TRIM71: variants seen among roughly 807,000 people sequenced by gnomAD.
TRIM71 encodes tripartite motif containing 71.
TRIM71 carries 9 observed loss-of-function variants against 61.2 expected under a neutral mutation model. That is an observed-to-expected ratio of 0.15 (90% CI 0.09 to 0.26). TRIM71 has a LOEUF of 0.26. Among genes scored for constraint, TRIM71 ranks in the 10% least tolerant of loss-of-function variants. TRIM71 has a pLI of 1.00. For missense variants in TRIM71, 998 were observed against 1,238.7 expected, an observed-to-expected ratio of 0.81 and a Z score of 2.92; for synonymous variants, 645 against 553.2, an observed-to-expected ratio of 1.17 and a Z score of -2.33.
chr3:32,879,480 G>T (rs1696884787), intron 2 of TRIM71, among the ~76,000 whole-genome samples: 1 of 152,056 alleles, frequency 6.6e-6, no homozygotes, highest in African/African-American at 2.4e-5. Flanking sequence ...AGAGGCCATT[G>T]TAGGGTTACT....
intron 1 of TRIM71, among the ~76,000 whole-genome samples, chr3:32,843,650 C>T (rs958654115): frequency 6.6e-6 from 1 of 152,146 alleles, no homozygotes; most frequent in Non-Finnish European, 1.5e-5. Context: ...TAATCTTCCC[C>T]GGGAAGCAGG....
At chr3:32,847,833 G>A (rs1290303519) in intron 1 of TRIM71, among the ~76,000 whole-genome samples, 1 of 152,124 alleles carries the variant, frequency 6.6e-6, no homozygotes, top group African/African-American at 2.4e-5. Context: ...TTTTGGGAGT[G>A]TAATGTTTTA....
chr3:32,818,046 C>G lies in TRIM71; in HGVS notation c.-35C>G. The G allele has an allele frequency of 6.3e-7, 1 of 1,599,778 alleles. No homozygotes were observed. The highest frequency in any genetic ancestry group is 8.5e-7 in the Non-Finnish European group (1 of 1,169,668). On this transcript the variant is annotated 5_prime_UTR_variant, in exon 1 of 4. Coordinates refer to ENST00000383763, the MANE Select transcript of TRIM71 (RefSeq NM_001039111.3). ...CTCTCCTCCTCCTCCTCCTCTTCCTCTCTGGTCTCCTCCCTCCTCCGGGCT... is the reference window on the plus strand; with the variant it reads ...CTCTCCTCCTCCTCCTCCTCTTCCTGTCTGGTCTCCTCCCTCCTCCGGGCT...
intron 2 of TRIM71, among the ~76,000 whole-genome samples, chr3:32,881,442 C>G (rs1332220733): frequency 6.6e-6 from 1 of 152,190 alleles, no homozygotes; most frequent in African/African-American, 2.4e-5. Flanking sequence ...TACCACTGTT[C>G]TCCACAGTTG....
In TRIM71 at chr3:32,868,907, T is replaced by C. The variant is rs558726055; in HGVS notation, c.853-4911T>C. Among the ~76,000 whole-genome samples the C allele has an allele frequency of 3.3e-5, 5 of 152,250 alleles. No individual in the cohort carries two copies. In the East Asian group the frequency reaches 9.6e-4, roughly 29 times the overall value. ...TTTCCTATATTTATCCAGGCCATAGTTGTGGGGCAGCACGTGGCCAGGGCT... is the reference window on the plus strand; with the variant it reads ...TTTCCTATATTTATCCAGGCCATAGCTGTGGGGCAGCACGTGGCCAGGGCT... On this transcript the variant is annotated intron_variant, in intron 1 of 3. Coordinates refer to ENST00000383763, the MANE Select transcript of TRIM71 (RefSeq NM_001039111.3).
chr3:32,830,165 C>T (rs207463089), intron 1 of TRIM71, among the ~76,000 whole-genome samples: 9 of 152,058 alleles, frequency 5.9e-5, no homozygotes, highest in Admixed American at 2.6e-4. Flanking sequence ...TCAGGTGATC[C>T]GCCTGTCTTG....
intron 1 of TRIM71, among the ~76,000 whole-genome samples, chr3:32,827,237 G>A (rs1448952656): frequency 6.7e-6 from 1 of 150,350 alleles, no homozygotes; most frequent in African/African-American, 2.4e-5. Flanking sequence ...TGGGAATGAG[G>A]TCCTTTGTCA....
At chr3:32,863,497 G>T (rs1378146708) in intron 1 of TRIM71, among the ~76,000 whole-genome samples, 1 of 152,024 alleles carries the variant, frequency 6.6e-6, no homozygotes, top group East Asian at 1.9e-4. Context: ...ATTCCAGAAG[G>T]ATTCCCTTGG....
At chr3:32,857,093 C>T (rs1005239214) in intron 1 of TRIM71, among the ~76,000 whole-genome samples, 1 of 152,218 alleles carries the variant, frequency 6.6e-6, no homozygotes, top group Non-Finnish European at 1.5e-5. Flanking sequence ...GGAACAATCA[C>T]TAACCTCTGG....
At chr3:32,874,136 T>A in intron 2 of TRIM71, 151 bp downstream of exon 2, 2 of 770,548 alleles carry the variant, frequency 2.6e-6, no homozygotes, top group South Asian at 4.5e-5. Flanking sequence ...CAGCGGTCCC[T>A]TTAGGGGTTC....
At chr3:32,868,361 T>G (rs1233132109) in intron 1 of TRIM71, among the ~76,000 whole-genome samples, 3 of 152,214 alleles carry the variant, frequency 2.0e-5, no homozygotes, top group Non-Finnish European at 4.4e-5. Flanking sequence ...GATGTAACAA[T>G]TGAATATATT....
chr3:32,821,812 G>C (rs1269680323), intron 1 of TRIM71, among the ~76,000 whole-genome samples: 1 of 151,222 alleles, frequency 6.6e-6, no homozygotes, highest in African/African-American at 2.4e-5. Context: ...TAGAGTCGCC[G>C]CGGGCCTGCG....
intron 1 of TRIM71, among the ~76,000 whole-genome samples, chr3:32,838,982 A>T (rs1315547322): frequency 1.3e-4 from 19 of 147,822 alleles, no homozygotes; most frequent in Admixed American, 1.2e-3. Context: ...TGTATTTTTA[A>T]TAGAGTCGGG....
At chr3:32,843,537 A>G (rs371966426) in intron 1 of TRIM71, among the ~76,000 whole-genome samples, 79 of 152,230 alleles carry the variant, frequency 5.2e-4, no homozygotes, top group African/African-American at 1.9e-3. Context: ...TCTGGGAAGG[A>G]AATCTGGGCA....
At chr3:32,880,504 T>A (rs73827073) in intron 2 of TRIM71, among the ~76,000 whole-genome samples, 2,139 of 152,294 alleles carry the variant, frequency 0.014, 48 homozygotes, top group African/African-American at 0.048. Context: ...CTTATGACTT[T>A]AAAGAGACTC....
intron 1 of TRIM71, among the ~76,000 whole-genome samples, chr3:32,845,912 G>C (rs1021721958): frequency 2.0e-5 from 3 of 151,596 alleles, no homozygotes; most frequent in Non-Finnish European, 4.4e-5. Flanking sequence ...GTAGAGACAG[G>C]GTTTCGCCAT....
chr3:32,845,188 G>A (rs1027721055), intron 1 of TRIM71, among the ~76,000 whole-genome samples: 1 of 152,162 alleles, frequency 6.6e-6, no homozygotes, highest in African/African-American at 2.4e-5. Flanking sequence ...GTGCTGTGGA[G>A]GGGAGTACAG....
At chr3:32,888,220 A>C (rs1696981723) in intron 3 of TRIM71, among the ~76,000 whole-genome samples, 1 of 152,142 alleles carries the variant, frequency 6.6e-6, no homozygotes, top group African/African-American at 2.4e-5. Context: ...CAGACATGCC[A>C]AAAGCGTGCT....
At chr3:32,839,306 C>G (rs910604375) in intron 1 of TRIM71, among the ~76,000 whole-genome samples, 7 of 152,018 alleles carry the variant, frequency 4.6e-5, no homozygotes, top group African/African-American at 1.7e-4. Context: ...TCTCGGCTCA[C>G]TGCAACCTCT....
Sources: gnomAD v4.1 joint callset for allele counts (sites outside exome capture counted in the v4.1 genomes callset) on GRCh38, gnomAD v4.1.1 for gene constraint, MANE v1.5 for transcripts, NCBI Gene and HGNC (gene_info 2026-07-23, HGNC 2026-07-21) for gene names.